CASK: variants seen among roughly 807,000 people sequenced by gnomAD.
CASK encodes peripheral plasma membrane protein CASK.
Under a neutral mutation model 82.9 loss-of-function variants are expected in CASK, and 4 were observed. The observed-to-expected ratio is 0.05, with a 90% CI of 0.02 to 0.11. The LOEUF is 0.11. Ranked by LOEUF, CASK falls within the 10% of genes least tolerant of loss-of-function variation. The pLI, the probability that CASK is intolerant of heterozygous loss-of-function variation, is 1.00. For missense variants in CASK, 358 were observed against 720.9 expected, an observed-to-expected ratio of 0.50 and a Z score of 5.76; for synonymous variants, 259 against 253.5, an observed-to-expected ratio of 1.02 and a Z score of -0.20.
chrX:41,582,986 G>A (rs760623058), intron 14 of CASK, among the ~76,000 whole-genome samples: 1 of 111,971 alleles, frequency 8.9e-6, no homozygotes, highest in Non-Finnish European at 1.9e-5. Flanking sequence ...CTCCACTAGA[G>A]TGGAAGTTCC....
chrX:41,828,598 A>G (rs2070719539), intron 2 of CASK, among the ~76,000 whole-genome samples: 1 of 111,874 alleles, frequency 8.9e-6, no homozygotes, highest in African/African-American at 3.3e-5. Flanking sequence ...AGTCTTAAAA[A>G]TCCCCTGGCA....
At chrX:41,722,295 C>G (rs1369719606) in intron 5 of CASK, among the ~76,000 whole-genome samples, 1 of 111,963 alleles carries the variant, frequency 8.9e-6, no homozygotes, top group Non-Finnish European at 1.9e-5. Context: ...TGATATTTAC[C>G]CGTCCCACAC....
In CASK at chrX:41,597,050, AT is replaced by A. The variant is rs1227105157; in HGVS notation, c.1156-7459del. ...CATTCAAAGCACTAAATCAAGTTTC[AT>A]TTTTTATCATACTCATTATATCACA... On this transcript the variant is annotated intron_variant, in intron 12 of 26. Transcript: ENST00000378163. 2.7e-5 allele frequency among the ~76,000 whole-genome samples: 3 copies of A among 112,491 alleles called. No homozygotes were observed. The South Asian group carries it at 1.1e-3, about 41-fold the overall frequency.
At chrX:41,658,734 A>G (rs1472398501) in intron 8 of CASK, among the ~76,000 whole-genome samples, 1 of 111,518 alleles carries the variant, frequency 9.0e-6, no homozygotes, top group Non-Finnish European at 1.9e-5. Context: ...CCCAGAGAAG[A>G]CAGTGTTTCA....
chrX:41,874,594 C>T (rs1392086957), intron 1 of CASK, among the ~76,000 whole-genome samples: 1 of 111,850 alleles, frequency 8.9e-6, no homozygotes, highest in Non-Finnish European at 1.9e-5. Context: ...TGTTTTAGAC[C>T]TCTGATTTCC....
chrX:41,843,951 T>C (rs2071098307), intron 2 of CASK, among the ~76,000 whole-genome samples: 1 of 111,890 alleles, frequency 8.9e-6, no homozygotes, highest in African/African-American at 3.2e-5. Context: ...ATTTGGGTTC[T>C]ATCTTCCAGC....
In CASK at chrX:41,630,412, A is replaced by G. The variant is rs142646205; in HGVS notation, c.916-3709T>C. 6.4e-3 allele frequency among the ~76,000 whole-genome samples: 715 copies of G among 111,750 alleles called. 9 individuals are homozygous for G. The highest frequency in any genetic ancestry group is 0.022 in the African/African-American group (684 of 30,847). On this transcript the variant is annotated intron_variant, in intron 9 of 26. Transcript: ENST00000378163. Reference sequence around the variant, plus strand: ...AAAAACCGAATACTCCCTTTTTGGTATTTCCTGAGCTCAGAAACACGCATC... The same window carrying G: ...AAAAACCGAATACTCCCTTTTTGGTGTTTCCTGAGCTCAGAAACACGCATC...
At chrX:41,555,936 A>T in intron 19 of CASK, 1 of 222,104 alleles carries the variant, frequency 4.5e-6, no homozygotes, top group Non-Finnish European at 8.2e-6. Context: ...TAAAAAAAAA[A>T]AATAAATAAA....
intron 2 of CASK, among the ~76,000 whole-genome samples, chrX:41,850,833 T>C (rs1421251354): frequency 1.8e-5 from 2 of 111,463 alleles, no homozygotes; most frequent in Non-Finnish European, 3.8e-5. Context: ...AGAGACTTTA[T>C]ATAATGAAAT....
Position 41,665,367 on chromosome X carries a change from A to G in CASK, c.618T>C (p.Gly206=). Residue 206 remains glycine (G), a synonymous_variant, in exon 7 of 27, where the codon GGT becomes GGC. Transcript: ENST00000378163. ...YGKPVDVWGC[G]VILFILLSGC... ...CACTGAGCAGGATAAAAAGGATCACACCGCACCCCCAGACGTCTACAGGCT... is the reference window on the plus strand; with the variant it reads ...CACTGAGCAGGATAAAAAGGATCACGCCGCACCCCCAGACGTCTACAGGCT... 4 of 1,207,934 alleles carry G rather than the reference A, an allele frequency of 3.3e-6. No individual in the cohort carries two copies. The highest frequency in any genetic ancestry group is 4.5e-6 in the Non-Finnish European group (4 of 892,267).
intron 5 of CASK, among the ~76,000 whole-genome samples, chrX:41,705,114 T>G (rs984212715): frequency 1.8e-5 from 2 of 112,463 alleles, no homozygotes; most frequent in Non-Finnish European, 3.8e-5. Flanking sequence ...GAAAGAGTTA[T>G]TTTATTCAGC....
At chrX:41,732,265 C>T (rs1038823313) in intron 5 of CASK, among the ~76,000 whole-genome samples, 10 of 111,204 alleles carry the variant, frequency 9.0e-5, no homozygotes, top group African/African-American at 3.3e-4. Flanking sequence ...CTCATTAAGG[C>T]AGCTTTCAAA....
At chrX:41,836,884 C>T (rs1194229992) in intron 2 of CASK, among the ~76,000 whole-genome samples, 2 of 112,142 alleles carry the variant, frequency 1.8e-5, no homozygotes, top group Non-Finnish European at 3.8e-5. Flanking sequence ...GATTCATTAA[C>T]TAAACCAGTA....
intron 21 of CASK, among the ~76,000 whole-genome samples, chrX:41,548,239 T>C (rs2065050104): frequency 8.9e-6 from 1 of 111,829 alleles, no homozygotes; most frequent in Admixed American, 9.5e-5. Context: ...TTTCAAATGC[T>C]GAACCAGCTA....
chrX:41,636,679 T>G lies in CASK; in HGVS notation c.832-18A>C. On this transcript the variant is annotated intron_variant, in intron 8 of 26. Transcript: ENST00000378163. Reference sequence around the variant, plus strand: ...TCCCGCTCCTATGTAAGATGAAAGATAATGAACATATATAACCGTTTAAAA... The same window carrying G: ...TCCCGCTCCTATGTAAGATGAAAGAGAATGAACATATATAACCGTTTAAAA... The G allele has an allele frequency of 9.7e-7, 1 of 1,035,445 alleles. No individual in the cohort carries two copies. Among genetic ancestry groups the G allele is most frequent in the Non-Finnish European group, 1.4e-6 (1 of 734,841 alleles). The allele number at this position is 1,035,445 out of a possible 1,213,427, so 85.3% of individuals were successfully genotyped here.
At chrX:41,765,111 A>T (rs971719379) in intron 3 of CASK, among the ~76,000 whole-genome samples, 4 of 112,214 alleles carry the variant, frequency 3.6e-5, no homozygotes, top group Non-Finnish European at 5.6e-5. Context: ...TCTATTTCTG[A>T]GTATTACAAA....
At position 41,578,459 on chromosome X, in the gene CASK, G is replaced by C; in HGVS notation, c.1384C>G (p.Pro462Ala). The C allele has an allele frequency of 8.3e-7, 1 of 1,205,743 alleles. No homozygotes were observed. The highest frequency in any genetic ancestry group is 1.1e-6 in the Non-Finnish European group (1 of 889,981). ...YSDEALRVTP[P>A]PTSPYLNGDS... The stretch of plus-strand genomic sequence containing the variant: ...CCGTTTAAATAGGGAGAGGTGGGAG[G>C]AGGTGTGACCCTCAATGCTTCATCA... Residue 462 changes from proline to alanine, a missense_variant, in exon 15 of 27, where the codon CCT becomes GCT. Around this residue, in one of 5 missense-constraint regions of CASK, gnomAD observed 110 missense variants for 218.8 expected, o/e 0.50. Transcript: ENST00000378163.
intron 1 of CASK, among the ~76,000 whole-genome samples, chrX:41,912,971 A>T (rs2072609315): frequency 9.2e-6 from 1 of 109,092 alleles, no homozygotes; most frequent in Non-Finnish European, 1.9e-5. Context: ...CAAAGATAAC[A>T]TGAGTTACCC....
At chrX:41,907,904 T>C (rs1266188015) in intron 1 of CASK, among the ~76,000 whole-genome samples, 6 of 111,651 alleles carry the variant, frequency 5.4e-5, no homozygotes, top group Non-Finnish European at 9.4e-5. Context: ...ACATGCAACC[T>C]AGTTCCCGCG....
Sources: allele counts gnomAD v4.1 joint callset (sites outside exome capture counted in the v4.1 genomes callset), GRCh38; gene constraint gnomAD v4.1.1; regional missense constraint gnomAD v4.1.1; transcripts MANE v1.5; gene names NCBI Gene and HGNC (gene_info 2026-07-23, HGNC 2026-07-21).